ZBTB46: variants seen among roughly 807,000 people sequenced by gnomAD.
ZBTB46 encodes the protein zinc finger and BTB domain containing 46.
A neutral mutation model predicts 44.1 loss-of-function variants in ZBTB46; 8 were observed. That is an observed-to-expected ratio of 0.18 (90% confidence interval 0.11 to 0.33). The LOEUF is 0.33. Among genes scored for constraint, ZBTB46 ranks in the 10% least tolerant of loss-of-function variants. The pLI is 1.00. For synonymous variants in ZBTB46, 409 were observed against 382.3 expected (o/e 1.07, Z -0.81); for missense variants, 651 against 847.7 (o/e 0.77, Z 2.88).
At chr20:63,819,034 G>T (rs770514484) in intron 1 of ZBTB46, among the ~76,000 whole-genome samples, 1 of 151,388 alleles carries the variant, frequency 6.6e-6, no homozygotes, top group South Asian at 2.1e-4. Context: ...TTAGCCAGGC[G>T]TGGTGGTGTG....
chr20:63,811,366 C>T (rs1333699908), intron 1 of ZBTB46, among the ~76,000 whole-genome samples: 1 of 152,242 alleles, frequency 6.6e-6, no homozygotes, highest in Non-Finnish European at 1.5e-5. Context: ...CTCTCCCCAG[C>T]CCCACCCCAC....
At position 63,745,724 on chromosome 20, in the gene ZBTB46, C is replaced by A. The variant is rs531754066; in HGVS notation, c.*1206G>T. The A allele has an allele frequency of 2.0e-5, 3 of 152,266 alleles. No homozygotes were observed. The highest frequency in any genetic ancestry group is 4.4e-5 in the Non-Finnish European group (3 of 68,046). 9.4% of individuals were successfully genotyped at this position (152,266 alleles called of 1,614,324 possible). A position where few individuals can be genotyped will look rare whatever the true frequency, so the allele number is the denominator to read the frequency against. ...TGAACGAGAAGACAGGCCGTGGCAA[C>A]GGTCCCGAGGCTGTGAGTCTAGGCA... is the stretch of plus-strand genomic sequence containing the variant. On this transcript the variant is annotated 3_prime_UTR_variant, in exon 5 of 5. Transcript: ENST00000245663.
At chr20:63,779,207 T>C (rs1200946542) in intron 2 of ZBTB46, among the ~76,000 whole-genome samples, 1 of 147,554 alleles carries the variant, frequency 6.8e-6, no homozygotes, top group East Asian at 2.0e-4. Context: ...TCAAAAAAAA[T>C]CACCCAATTT....
intron 3 of ZBTB46, among the ~76,000 whole-genome samples, chr20:63,762,544 C>G (rs2092285930): frequency 6.6e-6 from 1 of 152,040 alleles, no homozygotes. Flanking sequence ...CTGCCAGCTA[C>G]TTGGGAGGCT....
chr20:63,782,319 G>A (rs148869381), intron 2 of ZBTB46, among the ~76,000 whole-genome samples: 298 of 152,180 alleles, frequency 2.0e-3, no homozygotes, highest in African/African-American at 6.8e-3. Context: ...CCAGGGCCCC[G>A]TCAGCAGAGA....
chr20:63,789,929 CTT>C lies in ZBTB46; in HGVS notation c.827_828del (p.Lys276ArgfsTer13). The part of the protein sequence containing the change: ...PTGRRKNRKN[K>X]ETVRHITQQV... ...TGCTGTGTGATGTGCCGGACGGTCT[CTT>C]TGTTTTTCCGATTCTTCCTTCGGCC... On this transcript the variant is annotated frameshift_variant, in exon 2 of 5. Coordinates refer to ENST00000245663, the MANE Select transcript of ZBTB46 (RefSeq NM_001369741.1). LOFTEE classifies it high-confidence loss of function. 6.2e-7 allele frequency: 1 copy of C among 1,614,110 alleles called. No individual in the cohort carries two copies. The highest frequency in any genetic ancestry group is 8.5e-7 in the Non-Finnish European group (1 of 1,180,040).
At chr20:63,799,097 CA>C (rs2092624893) in intron 1 of ZBTB46, among the ~76,000 whole-genome samples, 1 of 151,964 alleles carries the variant, frequency 6.6e-6, no homozygotes, top group African/African-American at 2.4e-5. Flanking sequence ...GTGGCATGAT[CA>C]GGGCTCACTG....
intron 1 of ZBTB46, among the ~76,000 whole-genome samples, chr20:63,796,384 C>T (rs147875777): frequency 1.3e-5 from 2 of 152,348 alleles, no homozygotes; most frequent in East Asian, 3.9e-4. Context: ...CCCATCCCTG[C>T]GTCTAATTCC....
chr20:63,763,656 T>A (rs946998967), intron 3 of ZBTB46, among the ~76,000 whole-genome samples: 6 of 152,188 alleles, frequency 3.9e-5, no homozygotes, highest in Non-Finnish European at 8.8e-5. Context: ...ACGTCCAGTA[T>A]TGCGGATCAC....
intron 1 of ZBTB46, among the ~76,000 whole-genome samples, chr20:63,829,246 G>A (rs756557029): frequency 6.6e-6 from 1 of 152,168 alleles, no homozygotes; most frequent in East Asian, 1.9e-4. Context: ...CCGAACATCC[G>A]AAACAGGAGT....
In ZBTB46 at chr20:63,752,880, C is replaced by A. The variant is rs772136053; in HGVS notation, c.1223-19G>T. ...TCATTCACTGAAAGAGAGGGACCCG[C>A]GAGGCGTCAGCAGGGCTTGGGATGT... is the stretch of plus-strand genomic sequence containing the variant. On this transcript the variant is annotated intron_variant, in intron 3 of 4. Transcript: ENST00000245663. The surrounding 1 kb of genome is among the most constrained non-coding windows in gnomAD (Gnocchi z 5.6). 5 of 1,583,356 alleles carry A rather than the reference C, an allele frequency of 3.2e-6. No homozygotes were observed. In the African/African-American group the frequency reaches 5.4e-5, roughly 17 times the overall value.
chr20:63,795,331 G>T (rs1205563108), intron 1 of ZBTB46, among the ~76,000 whole-genome samples: 1 of 152,224 alleles, frequency 6.6e-6, no homozygotes, highest in Non-Finnish European at 1.5e-5. Context: ...CCCACGCATG[G>T]CTCTGCCTCA....
intron 3 of ZBTB46, among the ~76,000 whole-genome samples, chr20:63,760,184 C>T (rs1020461799): frequency 2.0e-4 from 30 of 152,154 alleles, no homozygotes; most frequent in Admixed American, 9.8e-4. Context: ...ATATGTCTAA[C>T]GTTGGCGTCA....
intron 1 of ZBTB46, among the ~76,000 whole-genome samples, chr20:63,813,447 CAAA>C (rs35043743): frequency 5.2e-4 from 73 of 141,554 alleles, no homozygotes; most frequent in Admixed American, 5.0e-4. Flanking sequence ...GACTCCATCT[CAAA>C]AAAAAAAAAT....
rs138332581 is a variant in ZBTB46 at position 63,746,978 on chromosome 20, C to T, written c.1722G>A (p.Pro574=). 2.7e-5 allele frequency: 44 copies of T among 1,603,086 alleles called. No homozygotes were observed. The highest frequency in any genetic ancestry group is 2.1e-4 in the African/African-American group (16 of 74,814). ...DDKDEEDSPR[P]RSPPGGPDKD... ...TGTCAGGGCCTCCTGGGGGGCTGCGCGGCCGCGGCGAGTCTTCCTCATCCT... is the reference window on the plus strand; with the variant it reads ...TGTCAGGGCCTCCTGGGGGGCTGCGTGGCCGCGGCGAGTCTTCCTCATCCT... Residue 574 remains proline (P), a synonymous_variant, in exon 5 of 5, where the codon CCG becomes CCA. Coordinates refer to ENST00000245663, the MANE Select transcript of ZBTB46 (RefSeq NM_001369741.1).
At chr20:63,804,834 G>A (rs1247972293) in intron 1 of ZBTB46, among the ~76,000 whole-genome samples, 1 of 151,724 alleles carries the variant, frequency 6.6e-6, no homozygotes, top group South Asian at 2.1e-4. Flanking sequence ...GGAGGTTGCA[G>A]TGAGCTGAGT....
chr20:63,795,491 CTG>C (rs2092596434), intron 1 of ZBTB46, among the ~76,000 whole-genome samples: 1 of 152,278 alleles, frequency 6.6e-6, no homozygotes, highest in Non-Finnish European at 1.5e-5. Context: ...CGCCAGCACA[CTG>C]TGCTTTTGGG....
intron 2 of ZBTB46, among the ~76,000 whole-genome samples, chr20:63,776,857 G>A (rs2092429942): frequency 6.6e-6 from 1 of 151,384 alleles, no homozygotes; most frequent in Admixed American, 6.6e-5. Context: ...GGCAAATACT[G>A]TAACTCAATA....
At chr20:63,822,560 C>G (rs983271884) in intron 1 of ZBTB46, among the ~76,000 whole-genome samples, 1 of 152,310 alleles carries the variant, frequency 6.6e-6, no homozygotes, top group African/African-American at 2.4e-5. Context: ...CTCACCCTCC[C>G]ACGCTTGGGT....
Sources: allele counts gnomAD v4.1 joint callset (sites outside exome capture counted in the v4.1 genomes callset), GRCh38; gene constraint gnomAD v4.1.1; non-coding constraint Gnocchi (gnomAD v3.1); transcripts MANE v1.5; gene names NCBI Gene and HGNC (gene_info 2026-07-23, HGNC 2026-07-21).